Variants in ASMTL observed in about 807,000 individuals in gnomAD.
ASMTL encodes probable bifunctional dTTP/UTP pyrophosphatase/methyltransferase protein.
A neutral mutation model predicts 60.3 loss-of-function variants in ASMTL; 57 were observed. The ratio of observed to expected loss-of-function variants is 0.95; its 90% CI spans 0.76 to 1.18. The LOEUF (loss-of-function observed/expected upper bound fraction) is 1.18. Ranked by LOEUF, ASMTL falls within the 50% of genes most tolerant of loss-of-function variation. The pLI, the probability that ASMTL is intolerant of heterozygous loss-of-function variation, is 0.00. For synonymous variants in ASMTL, 419 were observed against 373.0 expected, an observed-to-expected ratio of 1.12 and a Z score of -1.42; for missense variants, 981 against 852.6, an observed-to-expected ratio of 1.15 and a Z score of -1.88.
In ASMTL at chrX:1,404,787, A is replaced by G. The variant is rs185810563; in HGVS notation, c.1646-1298T>C. Reference sequence around the variant, plus strand: ...CAGGTAGATAGATGAATGGATGGATATATGGATGTATGGATGAGATGGATG... The same window carrying G: ...CAGGTAGATAGATGAATGGATGGATGTATGGATGTATGGATGAGATGGATG... On this transcript the variant is annotated intron_variant, in intron 12 of 12. Coordinates refer to ENST00000381317, the MANE Select transcript of ASMTL (RefSeq NM_004192.4). Among the ~76,000 whole-genome samples the G allele has an allele frequency of 4.7e-5, 7 of 149,814 alleles. No individual in the cohort carries two copies. In the East Asian group the frequency reaches 1.4e-3, roughly 30 times the overall value.
intron 11 of ASMTL, among the ~76,000 whole-genome samples, chrX:1,415,928 C>T (rs1349899986): frequency 6.6e-6 from 1 of 151,990 alleles, no homozygotes; most frequent in African/African-American, 2.4e-5. Flanking sequence ...GCACACGCCA[C>T]AAGACATGCA....
intron 6 of ASMTL, 65 bp from the exon 7 acceptor site, chrX:1,428,186 A>C: frequency 5.1e-5 from 78 of 1,529,738 alleles, no homozygotes; most frequent in Middle Eastern, 2.4e-4. Flanking sequence ...TGAACATTTC[A>C]CGGCTGGGAG....
At chrX:1,410,351 AACTATGATG>A (rs1264736583) in intron 12 of ASMTL, among the ~76,000 whole-genome samples, 2 of 151,744 alleles carry the variant, frequency 1.3e-5, no homozygotes, top group South Asian at 4.2e-4. Context: ...GGCTGCAGTG[AACTATGATG>A]ACAACACTGC....
intron 3 of ASMTL, among the ~76,000 whole-genome samples, chrX:1,437,895 C>CA (rs111281481): frequency 9.1e-4 from 115 of 126,290 alleles, no homozygotes; most frequent in South Asian, 1.5e-3. Context: ...GACTCCATCT[C>CA]AAAAAAAAAA....
intron 1 of ASMTL, among the ~76,000 whole-genome samples, chrX:1,446,180 TCTC>T (rs1409815187): frequency 6.6e-6 from 1 of 152,062 alleles, no homozygotes; most frequent in Non-Finnish European, 1.5e-5. Flanking sequence ...TTTCTCTCCT[TCTC>T]CTCTCTCTCT....
At chrX:1,453,354 C>T (rs1346987242), upstream of ASMTL, among the ~76,000 whole-genome samples, 4 of 151,968 alleles carry the variant, frequency 2.6e-5, no homozygotes, top group South Asian at 6.2e-4. Context: ...CCCGCCTCCC[C>T]CCCGGGCACC....
chrX:1,419,123 C>T lies in ASMTL; in HGVS notation c.1246-9G>A, dbSNP rs1172095391. 6.2e-7 allele frequency: 1 copy of T among 1,610,596 alleles called. No individual in the cohort carries two copies. The highest frequency in any genetic ancestry group is 1.3e-5 in the African/African-American group (1 of 74,866). On this transcript the variant is annotated splice_polypyrimidine_tract_variant and intron_variant, in intron 9 of 12. Coordinates refer to ENST00000381317, the MANE Select transcript of ASMTL (RefSeq NM_004192.4). ...CTCTGGTAGTACGCATCCTGGAACA[C>T]AGCAGGTGCTTAGGGGCACCAGAGA...
rs755945814 is a variant in ASMTL at position 1,411,045 on chromosome X, C to T, written c.1645+1687G>A. On this transcript the variant is annotated intron_variant, in intron 12 of 12. Coordinates refer to ENST00000381317, the MANE Select transcript of ASMTL (RefSeq NM_004192.4). ...TATTAAAAATAAAAAATTAGCCGGGCGTGGTGGTATGTGCCAGTAATCCAG... is the reference window on the plus strand; with the variant it reads ...TATTAAAAATAAAAAATTAGCCGGGTGTGGTGGTATGTGCCAGTAATCCAG... 3.3e-4 allele frequency among the ~76,000 whole-genome samples: 49 copies of T among 149,258 alleles called. No individual in the cohort carries two copies. The South Asian group carries it at 4.7e-3, about 14-fold the overall frequency.
intron 12 of ASMTL, among the ~76,000 whole-genome samples, chrX:1,407,701 TAGTG>T (rs2089917766): frequency 6.6e-6 from 1 of 150,460 alleles, no homozygotes; most frequent in Non-Finnish European, 1.5e-5. Context: ...CTGAGCAACA[TAGTG>T]AGACCCTGTC....
At chrX:1,428,823 A>G (rs1433966637) in intron 6 of ASMTL, among the ~76,000 whole-genome samples, 3 of 146,740 alleles carry the variant, frequency 2.0e-5, no homozygotes, top group Non-Finnish European at 4.5e-5. Context: ...TACCAGTAAG[A>G]CACTGTTCCT....
chrX:1,442,668 C>T (rs1215464154), intron 1 of ASMTL, among the ~76,000 whole-genome samples: 4 of 152,118 alleles, frequency 2.6e-5, no homozygotes. Context: ...CAACAGTGTC[C>T]GAGGATTCCC....
rs757856870 is a variant in ASMTL at position 1,427,894 on chromosome X, G to A, written c.737C>T (p.Ser246Leu). 31 of 1,613,062 alleles carry A rather than the reference G, an allele frequency of 1.9e-5. No homozygotes were observed. Among genetic ancestry groups the A allele is most frequent in the South Asian group, 2.2e-5 (2 of 91,056 alleles). ...EDLSDVEGGG[S>L]EPTQRDAGSR... ...GCCCGCGTCCCTCTGAGTGGGCTCC[G>A]AGCCGCCCCCCTCCACGTCACTGAG... The change falls in exon 7 of 13, where the codon TCG (serine) becomes TTG (leucine). Residue 246 changes from serine (S) to leucine (L), a missense_variant. By Grantham distance (145) the Ser-to-Leu change is moderately radical. Transcript: ENST00000381317.
intron 1 of ASMTL, among the ~76,000 whole-genome samples, chrX:1,445,084 A>C (rs144194130): frequency 0.015 from 2,314 of 152,064 alleles, 48 homozygotes; most frequent in African/African-American, 0.053. Flanking sequence ...ATCAGACACA[A>C]ATCCAGCCGT....
rs1436352118 is a variant in ASMTL, at chrX:1,427,924, T to C, written c.707A>G (p.Glu236Gly). Residue 236 changes from glutamate to glycine, a missense_variant, in exon 7 of 13, where the codon GAA becomes GGA. By Grantham distance (98) the Glu-to-Gly change is moderately conservative (BLOSUM62 -2). Coordinates refer to ENST00000381317, the MANE Select transcript of ASMTL (RefSeq NM_004192.4). ...HDSIPAADTF[E>G]DLSDVEGGGS... ...GCCCCCCTCCACGTCACTGAGGTCT[T>C]CGAAGGTGTCCGCGGCCGGGATGGA... 25 of 1,613,270 alleles carry C rather than the reference T, an allele frequency of 1.5e-5. No homozygotes were observed. The highest frequency in any genetic ancestry group is 2.1e-5 in the Non-Finnish European group (25 of 1,179,822).
Position 1,425,486 on chromosome X carries a change from G to A in ASMTL, c.1060+39C>T, listed in dbSNP as rs187724607. 1.1e-5 allele frequency: 18 copies of A among 1,595,890 alleles called. No homozygotes were observed. In the East Asian group the frequency reaches 2.9e-4, roughly 26 times the overall value. On this transcript the variant is annotated intron_variant, in intron 8 of 12. Transcript: ENST00000381317. ...CACCTTCCCTCAGTGACTTCCACCT[G>A]CAAAGATCCTCAGAGCAAAACCCGC...
intron 12 of ASMTL, among the ~76,000 whole-genome samples, chrX:1,407,518 G>T (rs867545634): frequency 6.6e-6 from 1 of 151,930 alleles, no homozygotes; most frequent in African/African-American, 2.4e-5. Context: ...GTGAATATAT[G>T]GTAGATGATG....
At chrX:1,443,670 ATGGACACACACCGCCATCG>A (rs2091171111) in intron 1 of ASMTL, among the ~76,000 whole-genome samples, 1 of 45,018 alleles carries the variant, frequency 2.2e-5, no homozygotes, top group Non-Finnish European at 5.7e-5. Flanking sequence ...CACCGCCATC[ATGGACACACACCGCCATCG>A]TGGACACACA....
chrX:1,405,223 T>TGAATAC (rs1391010710), intron 12 of ASMTL, among the ~76,000 whole-genome samples: 1 of 145,262 alleles, frequency 6.9e-6, no homozygotes, highest in African/African-American at 2.6e-5. Context: ...AATGGATGGA[T>TGAATAC]AGATGGATGG....
chrX:1,446,055 C>A (rs1304911889), intron 1 of ASMTL, among the ~76,000 whole-genome samples: 2 of 152,232 alleles, frequency 1.3e-5, no homozygotes, highest in Admixed American at 1.3e-4. Flanking sequence ...TGGTCACACG[C>A]TCCTAGTCCG....
Sources: allele counts gnomAD v4.1 joint callset (sites outside exome capture counted in the v4.1 genomes callset), GRCh38; gene constraint gnomAD v4.1.1; transcripts MANE v1.5; gene names NCBI Gene and HGNC (gene_info 2026-07-23, HGNC 2026-07-21).